The following FPGS variants were observed in gnomAD, a reference collection of about 807,000 sequenced individuals.
The protein encoded by FPGS is folylpolyglutamate synthase, mitochondrial.
Under a neutral mutation model 66.5 loss-of-function variants are expected in FPGS, and 53 were observed. The ratio of observed to expected loss-of-function variants is 0.80; its 90% confidence interval spans 0.64 to 1.00. The LOEUF is 1.00. Among genes scored for constraint, FPGS ranks in the 50% least tolerant of loss-of-function variants. The pLI, the probability that FPGS is intolerant of heterozygous loss-of-function variation, is 0.00. For missense variants in FPGS, 702 were observed against 807.7 expected (o/e 0.87, Z 1.59); for synonymous variants, 348 against 350.9 (o/e 0.99, Z 0.09).
chr9:127,811,837 G>A (rs145112748), intron 14 of FPGS, among the ~76,000 whole-genome samples: 9 of 152,254 alleles, frequency 5.9e-5, no homozygotes, highest in African/African-American at 2.2e-4. Flanking sequence ...ACCAGTGTAC[G>A]TTGCACAGAG....
chr9:127,806,505 C>G (rs930132321), intron 4 of FPGS: 1 of 171,454 alleles, frequency 5.8e-6, no homozygotes, highest in Non-Finnish European at 1.3e-5. Context: ...GACCCTGTCT[C>G]AAAAATAAAT....
In FPGS at chr9:127,807,759, C is replaced by A; in HGVS notation, c.744+71C>A. 1.0e-6 allele frequency: 1 copy of A among 963,260 alleles called. No homozygotes were observed. The highest frequency in any genetic ancestry group is 1.6e-6 in the Non-Finnish European group (1 of 644,088). 59.7% of individuals were successfully genotyped at this position (963,260 alleles called of 1,614,324 possible). On this transcript the variant is annotated intron_variant, in intron 8 of 14. Transcript: ENST00000373247. This position sits in a 1 kb window ranked among gnomAD's most constrained non-coding sequence, Gnocchi z 5.8. ...AGTCTACGTTTTCATCCTGGCTTCA[C>A]TGTGTGACTGGAACAAGTTGAGTCT...
Position 127,804,605 on chromosome 9 carries a change from A to G in FPGS, c.322-31A>G, listed in dbSNP as rs1564440671. The stretch of plus-strand genomic sequence containing the variant: ...GTCTATTAAGTGGCTGGTGGAGTAG[A>G]GCCTGCCCAGACAATCCCTTTTCTT... On this transcript the variant is annotated intron_variant, in intron 3 of 14. Coordinates refer to ENST00000373247, the MANE Select transcript of FPGS (RefSeq NM_004957.6). 1.9e-6 allele frequency: 3 copies of G among 1,613,934 alleles called. No individual in the cohort carries two copies. The African/African-American group carries it at 4.0e-5, about 22-fold the overall frequency.
At chr9:127,808,184 A>T (rs1564443529) in intron 8 of FPGS, 50 bp from the exon 9 acceptor site, 1 of 1,349,822 alleles carries the variant, frequency 7.4e-7, no homozygotes, top group Non-Finnish European at 1.1e-6. Flanking sequence ...CAGAGATAGG[A>T]GTGTGGAGGA....
At position 127,802,893 on chromosome 9, in the gene FPGS, G is replaced by T. The variant is rs904247682; in HGVS notation, c.-32G>T. Reference sequence around the variant, plus strand: ...GGGCGGGGCGGGGCGTCTCCCGCCCGGGCCTAGAGCGCTGCCGGGGGCGCC... The same window carrying T: ...GGGCGGGGCGGGGCGTCTCCCGCCCTGGCCTAGAGCGCTGCCGGGGGCGCC... On this transcript the variant is annotated 5_prime_UTR_variant, in exon 1 of 15. Transcript: ENST00000373247. The T allele has an allele frequency of 1.5e-5, 19 of 1,299,216 alleles. No individual in the cohort carries two copies. The highest frequency in any genetic ancestry group is 2.2e-5 in the South Asian group (1 of 44,822). The allele number at this position is 1,299,216 out of a possible 1,614,324, so 80.5% of individuals were successfully genotyped here.
rs769220901 is a variant in FPGS, at chr9:127,803,069, G to GGCGGGCCA, written c.138+23_138+30dup. ...GCCGAGCATGGAGTACCAGGTATCA[G>GGCGGGCCA]GCGGGCCAGCGGGCCAGCGGGCCTG... On this transcript the variant is annotated splice_region_variant and intron_variant, in intron 1 of 14. Coordinates refer to ENST00000373247, the MANE Select transcript of FPGS (RefSeq NM_004957.6). 59 of 1,391,224 alleles carry GGCGGGCCA rather than the reference G, an allele frequency of 4.2e-5. No individual in the cohort carries two copies. Among genetic ancestry groups the GGCGGGCCA allele is most frequent in the East Asian group, 9.2e-5 (3 of 32,706 alleles). The allele number at this position is 1,391,224 out of a possible 1,614,324, so 86.2% of individuals were successfully genotyped here. A position where few individuals can be genotyped will look rare whatever the true frequency, so the allele number is the denominator to read the frequency against.
At chr9:127,813,017 G>T (rs1182093397) in intron 14 of FPGS, among the ~76,000 whole-genome samples, 178 bp from the exon 15 acceptor site, 1 of 152,202 alleles carries the variant, frequency 6.6e-6, no homozygotes, top group Non-Finnish European at 1.5e-5. Flanking sequence ...CACTGAACCT[G>T]CCTGAGCCTC....
chr9:127,804,139 T>C (rs1717224511), intron 1 of FPGS, 146 bp from the exon 2 acceptor site: 1 of 1,059,888 alleles, frequency 9.4e-7, no homozygotes, highest in Admixed American at 2.5e-5. Flanking sequence ...TTGCTTAACC[T>C]ACAGGCTAGG....
downstream of FPGS, chr9:127,814,226 GAGA>G (rs369830075): frequency 3.1e-4 from 272 of 890,808 alleles, no homozygotes; most frequent in Middle Eastern, 1.7e-3. Flanking sequence ...TCTGTGAGAT[GAGA>G]AGAAGACCAG....
intron 11 of FPGS, 45 bp downstream of exon 11, chr9:127,808,934 G>A (rs1396951974): frequency 3.8e-6 from 5 of 1,303,816 alleles, no homozygotes; most frequent in Admixed American, 2.7e-5. Flanking sequence ...GCGTGTGTCT[G>A]TGCCCCTTCA....
In FPGS at chr9:127,813,878, G is replaced by C; in HGVS notation, c.*274G>C. 1 of 1,206,282 alleles carries C rather than the reference G, an allele frequency of 8.3e-7. No individual in the cohort carries two copies. Among genetic ancestry groups the C allele is most frequent in the Non-Finnish European group, 1.0e-6 (1 of 972,006 alleles). The allele number at this position is 1,206,282 out of a possible 1,614,324, so 74.7% of individuals were successfully genotyped here. A position where few individuals can be genotyped will look rare whatever the true frequency, so the allele number is the denominator to read the frequency against. ...TTCAGCCTGTCTCCCCCAACACCCC[G>C]CCTGCCTCCTGGCTCAGGCCCAGCT... On this transcript the variant is annotated 3_prime_UTR_variant, in exon 15 of 15. Coordinates refer to ENST00000373247, the MANE Select transcript of FPGS (RefSeq NM_004957.6).
At position 127,807,560 on chromosome 9, in the gene FPGS, C is replaced by T; in HGVS notation, c.642-26C>T. The stretch of plus-strand genomic sequence containing the variant: ...TGCCGCCTGGTGGCTCAGGGCAGGG[C>T]CTCATGGCCTTTTCCTCCCCTGCAG... On this transcript the variant is annotated intron_variant, in intron 7 of 14. Transcript: ENST00000373247. This position sits in a 1 kb window ranked among gnomAD's most constrained non-coding sequence, Gnocchi z 5.8. 1.2e-6 allele frequency: 2 copies of T among 1,611,192 alleles called. No individual in the cohort carries two copies. Among genetic ancestry groups the T allele is most frequent in the Non-Finnish European group, 1.7e-6 (2 of 1,177,638 alleles).
rs200153734 is a variant in FPGS at position 127,807,136 on chromosome 9, G to A, written c.501+49G>A. On this transcript the variant is annotated intron_variant, in intron 5 of 14. Coordinates refer to ENST00000373247, the MANE Select transcript of FPGS (RefSeq NM_004957.6). This position sits in a 1 kb window ranked among gnomAD's most constrained non-coding sequence, Gnocchi z 5.8. ...GGGTGGGTATGGTTGGGGGTGCTAC[G>A]TGTTCCAGCACCCCATCTCCCCAGA... 371 of 1,602,722 alleles carry A rather than the reference G, an allele frequency of 2.3e-4. No homozygotes were observed. Among genetic ancestry groups the A allele is most frequent in the Non-Finnish European group, 2.9e-4 (342 of 1,169,764 alleles).
rs1588551407 is a variant in FPGS at position 127,804,832 on chromosome 9, A to C, written c.386+132A>C. 1.1e-5 allele frequency: 9 copies of C among 818,550 alleles called. No homozygotes were observed. In the East Asian group the frequency reaches 2.2e-4, roughly 20 times the overall value. 50.7% of individuals were successfully genotyped at this position (818,550 alleles called of 1,614,324 possible). A position where few individuals can be genotyped will look rare whatever the true frequency, so the allele number is the denominator to read the frequency against. On this transcript the variant is annotated intron_variant, in intron 4 of 14. Coordinates refer to ENST00000373247, the MANE Select transcript of FPGS (RefSeq NM_004957.6). ...ATGTCTCTCTGCCCAGTGTTTATTCATTCAATAAACATTCAGTTAGCACTT... is the reference window on the plus strand; with the variant it reads ...ATGTCTCTCTGCCCAGTGTTTATTCCTTCAATAAACATTCAGTTAGCACTT...
intron 14 of FPGS, among the ~76,000 whole-genome samples, chr9:127,811,874 T>C (rs1311366164): frequency 1.3e-5 from 2 of 152,148 alleles, no homozygotes; most frequent in African/African-American, 4.8e-5. Context: ...TTGGTGAAGA[T>C]TAGTCTGTTC....
rs1318643194 is a variant in FPGS, at chr9:127,803,025, CGTGGCCG to C, written c.105_111del (p.Trp35CysfsTer29). 5 of 1,460,144 alleles carry C rather than the reference CGTGGCCG, an allele frequency of 3.4e-6. No homozygotes were observed. The highest frequency in any genetic ancestry group is 4.5e-6 in the Non-Finnish European group (5 of 1,114,812). The allele number at this position is 1,460,144 out of a possible 1,614,324, so 90.4% of individuals were successfully genotyped here. ...GTCGCGGCGCGGCGGGGCTTGAGCG[CGTGGCCG>C]GTGCCGCAGGAGCCGAGCATGGAGT... On this transcript the variant is annotated frameshift_variant, in exon 1 of 15. Transcript: ENST00000373247. LOFTEE classifies it high-confidence loss of function.
Position 127,804,565 on chromosome 9 carries a change from A to T in FPGS, c.321+13A>T, listed in dbSNP as rs1588550682. On this transcript the variant is annotated intron_variant, in intron 3 of 14. Transcript: ENST00000373247. ...GACGAAGGGGAAGGTGAGGGGCAGG[A>T]CCCTGGGGTAGGGGGTCTATTAAGT... is the stretch of plus-strand genomic sequence containing the variant. 1.2e-6 allele frequency: 2 copies of T among 1,614,110 alleles called. No homozygotes were observed. The highest frequency in any genetic ancestry group is 1.3e-5 in the African/African-American group (1 of 75,036).
intron 4 of FPGS, 63 bp from the exon 5 acceptor site, chr9:127,806,910 C>T (rs1829833207): frequency 5.7e-6 from 7 of 1,238,428 alleles, no homozygotes; most frequent in Non-Finnish European, 8.3e-6. Context: ...TCAGTCCCTG[C>T]AGGGTGGGGG....
In FPGS at chr9:127,806,974, T is replaced by C. The variant is rs751331486; in HGVS notation, c.388T>C (p.Ser130Pro). The change falls in exon 5 of 15, where the codon TCT becomes CCT. Residue 130 changes from serine (S) to proline (P), a missense_variant and splice_region_variant. By Grantham distance (74) the Ser-to-Pro change is moderately conservative (BLOSUM62 -1). Coordinates refer to ENST00000373247, the MANE Select transcript of FPGS (RefSeq NM_004957.6). ...SYGLKTGFFS[S>P]PHLVQVRERI... ...TGATGACCCCAGCTGTCCCGGCAGC[T>C]CTCCCCACCTGGTGCAGGTTCGGGA... 6 of 1,613,130 alleles carry C rather than the reference T, an allele frequency of 3.7e-6. No homozygotes were observed. In the East Asian group the frequency reaches 1.3e-4, roughly 36 times the overall value.
Sources: gnomAD v4.1 joint callset for allele counts (sites outside exome capture counted in the v4.1 genomes callset) on GRCh38, gnomAD v4.1.1 for gene constraint, Gnocchi (gnomAD v3.1) non-coding constraint, MANE v1.5 for transcripts, NCBI Gene and HGNC (gene_info 2026-07-23, HGNC 2026-07-21) for gene names.